IRAK1BP1: variants seen among roughly 807,000 people sequenced by gnomAD.
The protein encoded by IRAK1BP1 is interleukin 1 receptor associated kinase 1 binding protein 1, also known as interleukin-1 receptor-associated kinase 1-binding protein 1.
A neutral mutation model predicts 28.0 loss-of-function variants in IRAK1BP1; 24 were observed. The ratio of observed to expected loss-of-function variants is 0.86; its 90% CI spans 0.62 to 1.20. The LOEUF (loss-of-function observed/expected upper bound fraction) is 1.20, where lower values mean the gene tolerates loss of function less well. Ranked by LOEUF, IRAK1BP1 falls within the 50% of genes most tolerant of loss-of-function variation. The pLI, the probability that IRAK1BP1 is intolerant of heterozygous loss-of-function variation, is 0.00. For synonymous variants in IRAK1BP1, 131 were observed against 116.3 expected (o/e 1.13, Z -0.81); for missense variants, 336 against 316.7 (o/e 1.06, Z -0.46).
At chr6:78,907,173 T>C (rs1772283391), downstream of IRAK1BP1, among the ~76,000 whole-genome samples, 1 of 152,240 alleles carries the variant, frequency 6.6e-6, no homozygotes, top group South Asian at 2.1e-4. Flanking sequence ...AACTTTGCTG[T>C]GCAAATTATT....
At chr6:78,909,563 T>C (rs946252340) in intron 4 of IRAK1BP1, among the ~76,000 whole-genome samples, 3 of 152,230 alleles carry the variant, frequency 2.0e-5, no homozygotes, top group Non-Finnish European at 2.9e-5. Context: ...GCATGACAAA[T>C]GCAGAATTGC....
At chr6:78,969,812 T>C in the IRAK1BP1 span, 1 of 1,178,608 alleles carries the variant, frequency 8.5e-7, no homozygotes, top group Non-Finnish European at 1.2e-6. Context: ...CAAACATCGA[T>C]AGCTTCTAAA....
intron 2 of IRAK1BP1, among the ~76,000 whole-genome samples, chr6:78,888,223 A>G (rs868843250): frequency 6.6e-6 from 1 of 152,162 alleles, no homozygotes; most frequent in East Asian, 1.9e-4. Context: ...TTCTTACTCA[A>G]TGGGTATAAA....
chr6:78,941,943 TGA>T (rs1773523008), intron 4 of IRAK1BP1, among the ~76,000 whole-genome samples: 1 of 152,128 alleles, frequency 6.6e-6, no homozygotes, highest in Non-Finnish European at 1.5e-5. Context: ...GATCTGGAGA[TGA>T]TGAATTACCT....
downstream of IRAK1BP1, chr6:78,947,787 A>T (rs199965169): frequency 6.6e-5 from 105 of 1,591,776 alleles, 1 homozygote; most frequent in Admixed American, 1.8e-3. Flanking sequence ...TAGGAGAGGG[A>T]AAACAGGTGG....
At chr6:78,934,299 A>C (rs1358182136) in intron 4 of IRAK1BP1, among the ~76,000 whole-genome samples, 2 of 152,240 alleles carry the variant, frequency 1.3e-5, no homozygotes, top group Non-Finnish European at 2.9e-5. Flanking sequence ...GAAATATCGC[A>C]ATTACCAAAA....
intron 4 of IRAK1BP1, among the ~76,000 whole-genome samples, chr6:78,923,580 T>C (rs1772803083): frequency 6.6e-6 from 1 of 152,204 alleles, no homozygotes; most frequent in African/African-American, 2.4e-5. Context: ...AATAGACATC[T>C]ACAGAACTCT....
chr6:78,954,817 A>C, the IRAK1BP1 span: 1 of 1,574,508 alleles, frequency 6.4e-7, no homozygotes, highest in Non-Finnish European at 8.6e-7. Flanking sequence ...TACTTACTGG[A>C]TATTCAAGGA....
intron 4 of IRAK1BP1, among the ~76,000 whole-genome samples, chr6:78,929,514 A>C (rs1034992995): frequency 2.6e-5 from 4 of 152,136 alleles, no homozygotes; most frequent in Admixed American, 2.6e-4. Flanking sequence ...TAAAGATGGA[A>C]ACAATAGACA....
At chr6:78,870,109 CAAAAAAAAAAAAAAAAAA>C (rs70977749) in intron 1 of IRAK1BP1, among the ~76,000 whole-genome samples, 3 of 41,566 alleles carry the variant, frequency 7.2e-5, no homozygotes, top group African/African-American at 3.2e-4. Flanking sequence ...AACTCCGTCC[CAAAAAAAAAAAAAAAAAA>C]AAAAAAAAAA....
At chr6:78,941,318 T>A (rs776794849) in intron 4 of IRAK1BP1, 1 of 1,612,804 alleles carries the variant, frequency 6.2e-7, no homozygotes, top group Admixed American at 1.7e-5. Flanking sequence ...AAGAGCGTTG[T>A]TCTTACAATC....
At chr6:78,876,594 G>A (rs774830667) in intron 1 of IRAK1BP1, among the ~76,000 whole-genome samples, 4 of 152,084 alleles carry the variant, frequency 2.6e-5, no homozygotes, top group Non-Finnish European at 4.4e-5. Flanking sequence ...TGGATAACTC[G>A]TTGTTGTTGG....
intron 4 of IRAK1BP1, among the ~76,000 whole-genome samples, chr6:78,918,578 T>TAAAAAAAAAAAAAAAAA (rs58669467): frequency 6.0e-5 from 4 of 66,776 alleles, no homozygotes; most frequent in African/African-American, 1.2e-4. Context: ...CCAAAAACAG[T>TAAAAAAAAAAAAAAAAA]AAAAAAAAAA....
chr6:78,898,679 G>T lies in IRAK1BP1; in HGVS notation c.*345G>T, dbSNP rs1771994297. 6.6e-6 allele frequency: 1 copy of T among 151,336 alleles called. No individual in the cohort carries two copies. 9.4% of individuals were successfully genotyped at this position (151,336 alleles called of 1,614,324 possible). ...TTTCATAATTTTTAAAGATATTTAA[G>T]CTAAAATTTTCTCAGCCACATTTTT... On this transcript the variant is annotated 3_prime_UTR_variant, in exon 4 of 4. Transcript: ENST00000369940.
At chr6:78,952,835 T>A in the IRAK1BP1 span, among the ~76,000 whole-genome samples, 22 of 151,718 alleles carry the variant, frequency 1.5e-4, no homozygotes, top group Non-Finnish European at 3.1e-4. Context: ...AAACTATCTA[T>A]CAAAGTTTAA....
At chr6:78,868,499 G>A (rs951988453) in intron 1 of IRAK1BP1, among the ~76,000 whole-genome samples, 1 of 152,088 alleles carries the variant, frequency 6.6e-6, no homozygotes, top group Non-Finnish European at 1.5e-5. Flanking sequence ...AAAAAATCAA[G>A]CCAGTATTGT....
the IRAK1BP1 span, among the ~76,000 whole-genome samples, chr6:78,960,030 GACTGGGAGCT>G: frequency 6.6e-6 from 1 of 152,120 alleles, no homozygotes; most frequent in Non-Finnish European, 1.5e-5. Context: ...TCACGTGGCT[GACTGGGAGCT>G]ACTGGGAGCT....
At position 78,946,314 on chromosome 6, in the gene IRAK1BP1, A is replaced by G. The variant is rs572735626; in HGVS notation, c.*974A>G. ...TCTTATAGCTCTATGTGAACGAATA[A>G]AACAGTTTATAATATTTTTGGATTC... is the stretch of plus-strand genomic sequence containing the variant. On this transcript the variant is annotated 3_prime_UTR_variant and NMD_transcript_variant, in exon 5 of 5. Coordinates refer to the IRAK1BP1 transcript ENST00000606868. 95 of 1,512,940 alleles carry G rather than the reference A, an allele frequency of 6.3e-5. No individual in the cohort carries two copies. In the East Asian group the frequency reaches 2.0e-3, roughly 31 times the overall value. The allele number at this position is 1,512,940 out of a possible 1,614,324, so 93.7% of individuals were successfully genotyped here. A position where few individuals can be genotyped will look rare whatever the true frequency, so the allele number is the denominator to read the frequency against.
At chr6:78,974,171 A>G in the IRAK1BP1 span, among the ~76,000 whole-genome samples, 1 of 152,118 alleles carries the variant, frequency 6.6e-6, no homozygotes, top group East Asian at 1.9e-4. Flanking sequence ...ATTATAACAA[A>G]CTATCTCTCA....
Sources: allele counts gnomAD v4.1 joint callset (sites outside exome capture counted in the v4.1 genomes callset), GRCh38; gene constraint gnomAD v4.1.1; transcripts MANE v1.5; gene names NCBI Gene and HGNC (gene_info 2026-07-23, HGNC 2026-07-21).